The following API5 variants were observed in gnomAD, a reference collection of about 807,000 sequenced individuals.
API5 encodes FIF.
In API5, 6 loss-of-function variants were observed where a neutral mutation model predicts 71.9. That is an observed-to-expected ratio of 0.08 (90% CI 0.05 to 0.16). The LOEUF is 0.16. API5 is among the 10% of genes least tolerant of loss of function. The pLI, the probability that API5 is intolerant of heterozygous loss-of-function variation, is 1.00. For synonymous variants in API5, 189 were observed against 221.3 expected, an observed-to-expected ratio of 0.85 and a Z score of 1.30; for missense variants, 332 against 612.8, an observed-to-expected ratio of 0.54 and a Z score of 4.84.
Position 43,312,153 on chromosome 11 carries a change from G to A in API5, c.26G>A (p.Arg9His), listed in dbSNP as rs768197633. 5 of 1,613,918 alleles carry A rather than the reference G, an allele frequency of 3.1e-6. No individual in the cohort carries two copies. Among genetic ancestry groups the A allele is most frequent in the Non-Finnish European group, 4.2e-6 (5 of 1,179,922 alleles). MPTVEELY[R>H]NYGILADATE... Reference sequence around the variant, plus strand: ...ATGCCGACAGTAGAGGAGCTTTACCGCAATTATGGCATCCTGGCCGATGCC... The same window carrying A: ...ATGCCGACAGTAGAGGAGCTTTACCACAATTATGGCATCCTGGCCGATGCC... Residue 9 changes from arginine (R) to histidine (H), a missense_variant, in exon 1 of 14, where the codon CGC (arginine) becomes CAC (histidine). Arg to His is a conservative substitution (Grantham distance 29). This residue lies in a region of API5 where 127 missense variants were observed against 237.6 expected (regional missense o/e 0.53). Transcript: ENST00000531273.
At chr11:43,342,337 C>T in intron 13 of API5, 91 bp from the exon 14 acceptor site, 1 of 1,021,392 alleles carries the variant, frequency 9.8e-7, no homozygotes, top group Non-Finnish European at 1.5e-6. Context: ...GGGCCTACTG[C>T]TGTATTCAGA....
In API5 at chr11:43,335,304, T is replaced by C. The variant is rs531892009; in HGVS notation, c.1305T>C (p.Tyr435=). The C allele has an allele frequency of 1.8e-5, 29 of 1,606,688 alleles. No homozygotes were observed. In the Admixed American group the frequency reaches 4.4e-4, roughly 24 times the overall value. ...IKDLFHIPPS[Y]KSTVTLSWKP... ...ATCTCTTCCACATTCCTCCTTCTTA[T>C]AAGAGCACAGTAACACTATCCTGGA... is the stretch of plus-strand genomic sequence containing the variant. Residue 435 remains tyrosine (Y), a synonymous_variant, in exon 12 of 14, where the codon TAT becomes TAC. Coordinates refer to ENST00000531273, the MANE Select transcript of API5 (RefSeq NM_001142930.2).
chr11:43,329,132 A>C, intron 9 of API5: 1 of 444,456 alleles, frequency 2.2e-6, no homozygotes, highest in Non-Finnish European at 4.1e-6. Flanking sequence ...GCTTGACACC[A>C]GGAGTTTGAG....
At chr11:43,314,501 A>G (rs998706443) in intron 1 of API5, among the ~76,000 whole-genome samples, 6 of 152,206 alleles carry the variant, frequency 3.9e-5, no homozygotes, top group Non-Finnish European at 8.8e-5. Context: ...CTTTAGAGAC[A>G]AGTTTGTGAA....
At position 43,343,894 on chromosome 11, in the gene API5, A is replaced by C. The variant is rs1162924985; in HGVS notation, c.*1384A>C. ...TTCTGAGGAATAGTTTGTGATTCCA[A>C]TGCAGGTGTCTTCATTACCATTACC... On this transcript the variant is annotated 3_prime_UTR_variant, in exon 14 of 14. Transcript: ENST00000531273. 6.6e-6 allele frequency: 1 copy of C among 152,652 alleles called. No individual in the cohort carries two copies. Among genetic ancestry groups the C allele is most frequent in the Non-Finnish European group, 1.5e-5 (1 of 68,048 alleles). 9.5% of individuals were successfully genotyped at this position (152,652 alleles called of 1,614,324 possible).
At chr11:43,317,356 G>A (rs1854707162) in intron 1 of API5, among the ~76,000 whole-genome samples, 1 of 152,016 alleles carries the variant, frequency 6.6e-6, no homozygotes, top group Non-Finnish European at 1.5e-5. Context: ...CTCCCATTAT[G>A]AGTATTTGAG....
intron 1 of API5, among the ~76,000 whole-genome samples, chr11:43,312,830 C>T (rs1245148859): frequency 6.6e-6 from 1 of 152,016 alleles, no homozygotes; most frequent in African/African-American, 2.4e-5. Flanking sequence ...ATTGTGAGGC[C>T]CGGCTTGGTG....
chr11:43,334,793 G>GTTT (rs1855375197), intron 11 of API5, among the ~76,000 whole-genome samples: 1 of 152,046 alleles, frequency 6.6e-6, no homozygotes, highest in Non-Finnish European at 1.5e-5. Flanking sequence ...AACATGATTA[G>GTTT]CCAGAGTTTT....
intron 9 of API5, 60 bp from the exon 10 acceptor site, chr11:43,329,905 T>A (rs1354116084): frequency 1.4e-6 from 2 of 1,428,918 alleles, no homozygotes; most frequent in South Asian, 2.3e-5. Flanking sequence ...AGTATAAGAT[T>A]GAGTTTAAAA....
intron 11 of API5, among the ~76,000 whole-genome samples, chr11:43,331,708 G>T (rs966709065): frequency 2.6e-5 from 4 of 152,122 alleles, no homozygotes; most frequent in African/African-American, 9.7e-5. Flanking sequence ...AATTCAAGTT[G>T]TACAAGGGTC....
At chr11:43,318,557 C>T in intron 1 of API5, 83 bp from the exon 2 acceptor site, 1 of 1,584,982 alleles carries the variant, frequency 6.3e-7, no homozygotes, top group Non-Finnish European at 8.6e-7. Flanking sequence ...TTAAAGCACA[C>T]TCTAACATGT....
intron 8 of API5, 60 bp from the exon 9 acceptor site, chr11:43,328,652 T>C: frequency 6.9e-7 from 1 of 1,446,868 alleles, no homozygotes; most frequent in East Asian, 2.4e-5. Context: ...TCCCTGAATA[T>C]CTGTTTATAA....
chr11:43,325,869 A>G (rs1378124400), intron 6 of API5, among the ~76,000 whole-genome samples: 1 of 152,198 alleles, frequency 6.6e-6, no homozygotes, highest in African/African-American at 2.4e-5. Flanking sequence ...GCTGGTTGAC[A>G]TTCTGGAGGG....
chr11:43,320,531 C>A (rs1590354104), intron 2 of API5, among the ~76,000 whole-genome samples: 1 of 151,838 alleles, frequency 6.6e-6, no homozygotes, highest in Non-Finnish European at 1.5e-5. Flanking sequence ...ATCACTTGAG[C>A]CCAGTAGTTC....
intron 10 of API5, 33 bp downstream of exon 10, chr11:43,330,091 T>A: frequency 6.5e-7 from 1 of 1,541,652 alleles, no homozygotes; most frequent in Non-Finnish European, 9.0e-7. Flanking sequence ...CATAAACTGC[T>A]AGTTCCATAC....
chr11:43,322,542 A>G (rs897686398), intron 5 of API5, among the ~76,000 whole-genome samples: 9 of 152,200 alleles, frequency 5.9e-5, no homozygotes, highest in Non-Finnish European at 8.8e-5. Flanking sequence ...CCTTGACACT[A>G]TCTGCTCTTC....
chr11:43,316,721 C>T (rs1854684709), intron 1 of API5, among the ~76,000 whole-genome samples: 1 of 152,178 alleles, frequency 6.6e-6, no homozygotes, highest in Non-Finnish European at 1.5e-5. Flanking sequence ...TGGGCGCGAC[C>T]ATGGCTTACC....
intron 13 of API5, among the ~76,000 whole-genome samples, chr11:43,338,648 T>TAAA (rs35510804): frequency 0.033 from 3,217 of 96,730 alleles, 132 homozygotes; most frequent in East Asian, 0.086. Context: ...CAATTGGAGG[T>TAAA]AAAAAAAAAA....
In API5 at chr11:43,312,018, G is replaced by A; in HGVS notation, c.-110G>A. 8.1e-7 allele frequency: 1 copy of A among 1,229,802 alleles called. No individual in the cohort carries two copies. The highest frequency in any genetic ancestry group is 1.1e-6 in the Non-Finnish European group (1 of 871,378). The allele number at this position is 1,229,802 out of a possible 1,614,324, so 76.2% of individuals were successfully genotyped here. On this transcript the variant is annotated 5_prime_UTR_variant, in exon 1 of 14. Transcript: ENST00000531273. ...GCGGTGACTGGCGGCTGCACTGGCGGCAGCTGGAGGTGTAATAGTGCGGGT... is the reference window on the plus strand; with the variant it reads ...GCGGTGACTGGCGGCTGCACTGGCGACAGCTGGAGGTGTAATAGTGCGGGT...
Sources: gnomAD v4.1 joint callset for allele counts (sites outside exome capture counted in the v4.1 genomes callset) on GRCh38, gnomAD v4.1.1 for gene constraint, gnomAD v4.1.1 regional missense constraint, MANE v1.5 for transcripts, NCBI Gene and HGNC (gene_info 2026-07-23, HGNC 2026-07-21) for gene names.